The following CDK14 variants were observed in gnomAD, a reference collection of about 807,000 sequenced individuals.
The protein encoded by CDK14 is cyclin dependent kinase 14.
CDK14 carries 34 observed loss-of-function variants against 60.7 expected under a neutral mutation model. That is an observed-to-expected ratio of 0.56 (90% CI 0.43 to 0.75). The LOEUF is 0.75. Ranked by LOEUF, CDK14 falls within the 30% of genes least tolerant of loss-of-function variation. CDK14 has a pLI of 0.00. For missense variants in CDK14, 482 were observed against 564.1 expected (o/e 0.85, Z 1.47); for synonymous variants, 197 against 203.7 (o/e 0.97, Z 0.28).
At chr7:91,097,487 G>T (rs1257828347) in intron 12 of CDK14, among the ~76,000 whole-genome samples, 1 of 151,064 alleles carries the variant, frequency 6.6e-6, no homozygotes, top group African/African-American at 2.4e-5. Flanking sequence ...ATATCTAATT[G>T]ATACAAAAAA....
At chr7:91,128,063 C>T (rs1181787752) in intron 14 of CDK14, among the ~76,000 whole-genome samples, 1 of 152,168 alleles carries the variant, frequency 6.6e-6, no homozygotes, top group Non-Finnish European at 1.5e-5. Flanking sequence ...ACAAATGCCA[C>T]AGCTGCAAGT....
chr7:90,784,319 A>T (rs1805475875), intron 4 of CDK14, among the ~76,000 whole-genome samples: 1 of 152,194 alleles, frequency 6.6e-6, no homozygotes, highest in Non-Finnish European at 1.5e-5. Context: ...GCACAAAAAC[A>T]CAGATAGAAG....
intron 3 of CDK14, among the ~76,000 whole-genome samples, chr7:90,727,756 T>TC (rs1205701989): frequency 6.6e-6 from 1 of 152,142 alleles, no homozygotes; most frequent in Non-Finnish European, 1.5e-5. Context: ...TCAGTTTTTC[T>TC]CCCCCACTGA....
intron 4 of CDK14, among the ~76,000 whole-genome samples, chr7:90,781,700 C>T (rs533071556): frequency 1.3e-5 from 2 of 151,234 alleles, no homozygotes; most frequent in Non-Finnish European, 3.0e-5. Context: ...TTGTTTTTCT[C>T]AGGTTTGTCA....
Position 90,637,916 on chromosome 7 carries a change from G to A in CDK14, c.123+33667G>A, listed in dbSNP as rs1288264449. Among the ~76,000 whole-genome samples, 6 of 149,082 alleles carry A rather than the reference G, an allele frequency of 4.0e-5. 1 individual carries two copies. The highest frequency in any genetic ancestry group is 8.9e-5 in the Non-Finnish European group (6 of 67,628). On this transcript the variant is annotated intron_variant, in intron 2 of 14. Transcript: ENST00000380050. ...GCCTTCTTTGTCTCTTTTGATCTTTGTTGGTTTAAAGTCTGTTTTATCAGA... is the reference window on the plus strand; with the variant it reads ...GCCTTCTTTGTCTCTTTTGATCTTTATTGGTTTAAAGTCTGTTTTATCAGA...
intron 2 of CDK14, among the ~76,000 whole-genome samples, chr7:90,721,293 T>C (rs1802442557): frequency 6.6e-6 from 1 of 152,202 alleles, no homozygotes; most frequent in East Asian, 1.9e-4. Context: ...CTCACAGTTC[T>C]GTATCTTAAA....
chr7:90,738,603 G>C (rs947204882), intron 3 of CDK14, among the ~76,000 whole-genome samples: 3 of 152,154 alleles, frequency 2.0e-5, no homozygotes, highest in Admixed American at 6.6e-5. Flanking sequence ...TATGCAGTTA[G>C]TGTCTGTTAG....
At chr7:90,934,624 G>A (rs940318898) in intron 8 of CDK14, among the ~76,000 whole-genome samples, 1 of 152,166 alleles carries the variant, frequency 6.6e-6, no homozygotes, top group Non-Finnish European at 1.5e-5. Context: ...TCACTTAAAT[G>A]GACAGTTGTG....
chr7:91,110,423 G>A (rs763249159), intron 12 of CDK14, among the ~76,000 whole-genome samples: 5 of 152,030 alleles, frequency 3.3e-5, no homozygotes, highest in South Asian at 2.1e-4. Context: ...ATAATTCTTC[G>A]AGATAATGAA....
chr7:90,971,151 T>A (rs1562850701), intron 9 of CDK14, among the ~76,000 whole-genome samples: 1 of 144,856 alleles, frequency 6.9e-6, no homozygotes, highest in African/African-American at 2.5e-5. Flanking sequence ...TGAGAACATG[T>A]GGTTTTTTTT....
chr7:91,189,024 A>G (rs1025233100), intron 14 of CDK14, among the ~76,000 whole-genome samples: 2 of 152,184 alleles, frequency 1.3e-5, no homozygotes, highest in Admixed American at 6.5e-5. Flanking sequence ...GATTATTTTC[A>G]ACTTAGCATA....
chr7:90,770,367 T>G (rs762400979), intron 4 of CDK14, among the ~76,000 whole-genome samples: 19 of 152,208 alleles, frequency 1.2e-4, no homozygotes, highest in Non-Finnish European at 2.4e-4. Context: ...AACGTTATAG[T>G]CTGTTCTGAG....
intron 5 of CDK14, among the ~76,000 whole-genome samples, chr7:90,791,552 A>G (rs1805830842): frequency 1.3e-5 from 2 of 152,214 alleles, no homozygotes; most frequent in African/African-American, 2.4e-5. Context: ...TTTGTTTCCC[A>G]CAACTGTTGA....
chr7:90,799,644 C>G (rs1026050749), intron 5 of CDK14, among the ~76,000 whole-genome samples: 1 of 136,908 alleles, frequency 7.3e-6, no homozygotes, highest in Admixed American at 8.0e-5. Flanking sequence ...GAGACAAGAT[C>G]GCGCCACTGC....
intron 14 of CDK14, among the ~76,000 whole-genome samples, chr7:91,145,025 C>T (rs1488805776): frequency 2.6e-5 from 4 of 152,094 alleles, no homozygotes; most frequent in African/African-American, 9.7e-5. Flanking sequence ...CCTTTTTATT[C>T]TTACTTAACT....
At chr7:90,812,904 C>T (rs544901026) in intron 5 of CDK14, among the ~76,000 whole-genome samples, 3 of 152,274 alleles carry the variant, frequency 2.0e-5, no homozygotes, top group East Asian at 1.9e-4. Context: ...CCAGTGACTT[C>T]ACTCCTGGGT....
Position 90,773,887 on chromosome 7 carries a change from C to CTCTCCTCTCT in CDK14, c.465-16678_465-16677insCTTCTCCTCT, listed in dbSNP as rs1804897501. Among the ~76,000 whole-genome samples the CTCTCCTCTCT allele has an allele frequency of 2.3e-5, 2 of 88,016 alleles. 1 individual carries two copies. The highest frequency in any genetic ancestry group is 4.5e-5 in the Non-Finnish European group (2 of 44,240). 57.7% of individuals were successfully genotyped at this position (88,016 alleles called of 152,430 possible). A position where few individuals can be genotyped will look rare whatever the true frequency, so the allele number is the denominator to read the frequency against. ...CTCTCCTCTCCTCTCCTCTCCTCTCCTCTCCTCTTTTCTTTCTTTTTTTTT... is the reference window on the plus strand; with the variant it reads ...CTCTCCTCTCCTCTCCTCTCCTCTCCTCTCCTCTCTTCTCCTCTTTTCTTTCTTTTTTTTT... On this transcript the variant is annotated intron_variant, in intron 4 of 14. Coordinates refer to ENST00000380050, the MANE Select transcript of CDK14 (RefSeq NM_001287135.2).
intron 1 of CDK14, among the ~76,000 whole-genome samples, chr7:90,601,349 C>G (rs1399402455): frequency 6.6e-6 from 1 of 152,186 alleles, no homozygotes; most frequent in Non-Finnish European, 1.5e-5. Flanking sequence ...GAACATCTGG[C>G]AAAGACATCT....
intron 10 of CDK14, among the ~76,000 whole-genome samples, chr7:91,002,967 G>C (rs1795882616): frequency 6.6e-6 from 1 of 152,112 alleles, no homozygotes; most frequent in Non-Finnish European, 1.5e-5. Flanking sequence ...AGCTGTTTGG[G>C]AGGCTGAGGC....
Sources: allele counts gnomAD v4.1 joint callset (sites outside exome capture counted in the v4.1 genomes callset), GRCh38; gene constraint gnomAD v4.1.1; transcripts MANE v1.5; gene names NCBI Gene and HGNC (gene_info 2026-07-23, HGNC 2026-07-21).